SPIDR: variants seen among roughly 807,000 people sequenced by gnomAD.
SPIDR encodes the protein DNA repair-scaffolding protein.
A neutral mutation model predicts 104.6 loss-of-function variants in SPIDR; 93 were observed. That is an observed-to-expected ratio of 0.89 (90% confidence interval 0.75 to 1.06). The LOEUF is 1.06. Ranked by LOEUF, SPIDR falls within the 50% of genes least tolerant of loss-of-function variation. The pLI is 0.00. For missense variants in SPIDR, 1,154 were observed against 1,111.2 expected, an observed-to-expected ratio of 1.04 and a Z score of -0.55; for synonymous variants, 431 against 416.9, an observed-to-expected ratio of 1.03 and a Z score of -0.41.
At chr8:47,272,652 G>A (rs996011810) in intron 1 of SPIDR, among the ~76,000 whole-genome samples, 3 of 152,114 alleles carry the variant, frequency 2.0e-5, no homozygotes, top group Non-Finnish European at 4.4e-5. Context: ...AGAGGTTAGG[G>A]CCTTTTTCAG....
At chr8:47,616,733 G>A (rs932220086) in intron 10 of SPIDR, among the ~76,000 whole-genome samples, 1 of 152,138 alleles carries the variant, frequency 6.6e-6, no homozygotes, top group Admixed American at 6.6e-5. Context: ...GTGTTCCCAC[G>A]TACTCCATAC....
chr8:47,523,990 C>T (rs946486154), intron 8 of SPIDR, among the ~76,000 whole-genome samples: 1 of 152,142 alleles, frequency 6.6e-6, no homozygotes, highest in South Asian at 2.1e-4. Flanking sequence ...CCTGAAGTGT[C>T]GGAAGGATAC....
intron 4 of SPIDR, among the ~76,000 whole-genome samples, chr8:47,292,263 A>G (rs2040047265): frequency 6.6e-6 from 1 of 152,138 alleles, no homozygotes; most frequent in Non-Finnish European, 1.5e-5. Context: ...GTTTGTACAG[A>G]CAGCTTCTCG....
chr8:47,402,512 A>G (rs891022781), intron 6 of SPIDR, among the ~76,000 whole-genome samples: 3 of 152,222 alleles, frequency 2.0e-5, no homozygotes, highest in Non-Finnish European at 4.4e-5. Flanking sequence ...AAAAAATGAT[A>G]AAGGGAATAT....
At chr8:47,355,031 C>T (rs563017631) in intron 5 of SPIDR, among the ~76,000 whole-genome samples, 19 of 152,206 alleles carry the variant, frequency 1.2e-4, no homozygotes, top group African/African-American at 4.6e-4. Context: ...TCTCGGCTCA[C>T]TGCAACCTCT....
chr8:47,511,488 T>A (rs2082314593), intron 8 of SPIDR: 1 of 777,978 alleles, frequency 1.3e-6, no homozygotes, highest in Admixed American at 1.7e-5. Context: ...ACAGCTCTGC[T>A]GGCACCTCCC....
At position 47,713,488 on chromosome 8, in the gene SPIDR, G is replaced by A. The variant is rs1337827919; in HGVS notation, c.2189-1G>A. On this transcript the variant is annotated splice_acceptor_variant, in intron 15 of 19. Transcript: ENST00000297423. LOFTEE classifies it high-confidence loss of function. ...ATAACCTGAAGTGTCTCTGTCGGCA[G>A]GTCGGATTGTTTGTGCTGAACGAAC... 1 of 1,614,148 alleles carries A rather than the reference G, an allele frequency of 6.2e-7. No individual in the cohort carries two copies.
At chr8:47,277,245 A>G (rs2036620719) in intron 1 of SPIDR, among the ~76,000 whole-genome samples, 2 of 151,388 alleles carry the variant, frequency 1.3e-5, no homozygotes, top group Non-Finnish European at 2.9e-5. Context: ...AGTTTTGGGT[A>G]TATACCGAGC....
chr8:47,551,515 A>G (rs1587628749), intron 8 of SPIDR, among the ~76,000 whole-genome samples: 1 of 152,334 alleles, frequency 6.6e-6, no homozygotes, highest in South Asian at 2.1e-4. Context: ...GTATGTGTCC[A>G]GGAATGTATC....
At chr8:47,659,287 C>A (rs2073600687) in intron 10 of SPIDR, among the ~76,000 whole-genome samples, 1 of 152,100 alleles carries the variant, frequency 6.6e-6, no homozygotes, top group Non-Finnish European at 1.5e-5. Flanking sequence ...AGGTTTTTTT[C>A]CCTCTTCTTT....
chr8:47,578,287 A>T (rs2059353279), intron 8 of SPIDR, among the ~76,000 whole-genome samples: 1 of 152,158 alleles, frequency 6.6e-6, no homozygotes, highest in Non-Finnish European at 1.5e-5. Context: ...CCTGGCTAAC[A>T]CGGTGAAACC....
chr8:47,424,777 G>A (rs2066151539), intron 7 of SPIDR, among the ~76,000 whole-genome samples: 1 of 152,172 alleles, frequency 6.6e-6, no homozygotes, highest in East Asian at 1.9e-4. Flanking sequence ...GCTCTGTTGT[G>A]CAGGCTGGAG....
At chr8:47,411,162 T>G (rs1283910529) in intron 7 of SPIDR, among the ~76,000 whole-genome samples, 1 of 152,220 alleles carries the variant, frequency 6.6e-6, no homozygotes, top group Non-Finnish European at 1.5e-5. Context: ...TATAATCCTT[T>G]GGGTATATAC....
At chr8:47,653,120 A>G (rs1343660024) in intron 10 of SPIDR, among the ~76,000 whole-genome samples, 2 of 152,168 alleles carry the variant, frequency 1.3e-5, no homozygotes, top group Non-Finnish European at 2.9e-5. Flanking sequence ...ATTCCATGGA[A>G]TGGAGCCTCA....
intron 8 of SPIDR, among the ~76,000 whole-genome samples, chr8:47,586,207 T>G (rs896081902): frequency 6.6e-6 from 1 of 152,212 alleles, no homozygotes; most frequent in Non-Finnish European, 1.5e-5. Flanking sequence ...ATGTAGGTCT[T>G]CATATGAACA....
chr8:47,538,369 C>T (rs2087351654), intron 8 of SPIDR, among the ~76,000 whole-genome samples: 1 of 151,942 alleles, frequency 6.6e-6, no homozygotes, highest in African/African-American at 2.4e-5. Context: ...CATGGTGAAA[C>T]CCCGTCTCTA....
chr8:47,358,247 G>A (rs1478371359), intron 5 of SPIDR, among the ~76,000 whole-genome samples: 1 of 151,886 alleles, frequency 6.6e-6, no homozygotes, highest in Non-Finnish European at 1.5e-5. Flanking sequence ...CACCACCGTA[G>A]CTAATTTTTA....
At chr8:47,623,195 T>C (rs918228153) in intron 10 of SPIDR, among the ~76,000 whole-genome samples, 7 of 152,174 alleles carry the variant, frequency 4.6e-5, no homozygotes, top group African/African-American at 1.7e-4. Context: ...CTGAGAGATT[T>C]TGTCACCACC....
intron 11 of SPIDR, among the ~76,000 whole-genome samples, chr8:47,699,255 C>T (rs2079792073): frequency 6.6e-6 from 1 of 152,204 alleles, no homozygotes; most frequent in South Asian, 2.1e-4. Flanking sequence ...GTAGGTGCTG[C>T]ACATACGTTC....
Sources: allele counts gnomAD v4.1 joint callset (sites outside exome capture counted in the v4.1 genomes callset), GRCh38; gene constraint gnomAD v4.1.1; transcripts MANE v1.5; gene names NCBI Gene and HGNC (gene_info 2026-07-23, HGNC 2026-07-21).